Variants in FKBP1B observed in about 807,000 individuals in gnomAD.
FKBP1B encodes the protein FKBP prolyl isomerase 1B, also known as peptidyl-prolyl cis-trans isomerase FKBP1B.
Under a neutral mutation model 13.5 loss-of-function variants are expected in FKBP1B, and 4 were observed. The ratio of observed to expected loss-of-function variants is 0.30; its 90% CI spans 0.15 to 0.68. The LOEUF (loss-of-function observed/expected upper bound fraction) is 0.68, where lower values mean the gene tolerates loss of function less well. FKBP1B is among the 30% of genes least tolerant of loss of function. The probability of loss-of-function intolerance (pLI) is 0.76; values close to 1 mark genes in which losing one functional copy is unlikely to be tolerated. For synonymous variants in FKBP1B, 54 were observed against 53.6 expected (o/e 1.01, Z -0.03); for missense variants, 93 against 136.2 (o/e 0.68, Z 1.58).
At chr2:24,053,545 A>G (rs1663976094) in intron 1 of FKBP1B, among the ~76,000 whole-genome samples, 1 of 151,018 alleles carries the variant, frequency 6.6e-6, no homozygotes, top group Admixed American at 6.6e-5. Context: ...GAGTTCATAC[A>G]TTGCTCTGCA....
intron 3 of FKBP1B, among the ~76,000 whole-genome samples, chr2:24,061,551 G>A (rs530922068): frequency 2.6e-5 from 4 of 152,158 alleles, no homozygotes; most frequent in Admixed American, 1.3e-4. Flanking sequence ...AAAATTTTTC[G>A]TTTTTTCGCT....
the FKBP1B span, among the ~76,000 whole-genome samples, chr2:24,040,143 A>T: frequency 6.6e-6 from 1 of 152,136 alleles, no homozygotes; most frequent in Non-Finnish European, 1.5e-5. Context: ...TATTGTGGTT[A>T]TGCAGGACAA....
upstream of FKBP1B, among the ~76,000 whole-genome samples, chr2:24,048,557 A>G (rs980935534): frequency 2.0e-5 from 3 of 151,688 alleles, no homozygotes; most frequent in Admixed American, 6.6e-5. Context: ...GGCTCAAGCA[A>G]TCCTCCTGCC....
chr2:24,044,725 T>C (rs1238157973), upstream of FKBP1B, among the ~76,000 whole-genome samples: 1 of 151,876 alleles, frequency 6.6e-6, no homozygotes, highest in Non-Finnish European at 1.5e-5. Context: ...TCTCCCTTTT[T>C]ATTAGGGTAA....
At chr2:24,052,478 C>T (rs1285224648) in intron 1 of FKBP1B, among the ~76,000 whole-genome samples, 1 of 152,166 alleles carries the variant, frequency 6.6e-6, no homozygotes, top group Non-Finnish European at 1.5e-5. Context: ...AGTGCTATTT[C>T]CCAGTATTTT....
upstream of FKBP1B, among the ~76,000 whole-genome samples, chr2:24,044,936 C>A (rs1663566089): frequency 1.3e-5 from 2 of 151,420 alleles, no homozygotes; most frequent in African/African-American, 4.9e-5. Flanking sequence ...CTTAACAAGG[C>A]AATTAAAACC....
At chr2:24,055,408 C>T (rs1331635963) in intron 2 of FKBP1B, among the ~76,000 whole-genome samples, 1 of 151,988 alleles carries the variant, frequency 6.6e-6, no homozygotes, top group Non-Finnish European at 1.5e-5. Flanking sequence ...GAGGGTCTCA[C>T]TATGTTGCCC....
chr2:24,035,688 G>A, the FKBP1B span, among the ~76,000 whole-genome samples: 1 of 152,022 alleles, frequency 6.6e-6, no homozygotes, highest in Admixed American at 6.6e-5. Context: ...GCTGAAGCAG[G>A]AGGACTGCTT....
At chr2:24,043,874 T>C in the FKBP1B span, among the ~76,000 whole-genome samples, 23,805 of 151,222 alleles carry the variant, frequency 0.16, 2,082 homozygotes, top group South Asian at 0.2. Context: ...TCCTTGCTCT[T>C]AGGATCTTTC....
In FKBP1B at chr2:24,049,940, G is replaced by A. The variant is rs1054330237; in HGVS notation, c.37+54G>A. On this transcript the variant is annotated intron_variant, in intron 1 of 3. Transcript: ENST00000380986. ...GGGGAGGGGTCCCGGGGCGGAGCCC[G>A]GAGGGCGGGGGTCTGATTCGGAGGT... 31 of 1,327,522 alleles carry A rather than the reference G, an allele frequency of 2.3e-5. 1 individual carries two copies. The East Asian group carries it at 9.2e-4, about 39-fold the overall frequency. The allele number at this position is 1,327,522 out of a possible 1,614,324, so 82.2% of individuals were successfully genotyped here. A position where few individuals can be genotyped will look rare whatever the true frequency, so the allele number is the denominator to read the frequency against.
At chr2:24,039,466 C>G in the FKBP1B span, 1 of 1,612,898 alleles carries the variant, frequency 6.2e-7, no homozygotes, top group South Asian at 1.1e-5. Context: ...CAGTCCAGTC[C>G]TGAGTAGTTT....
intron 2 of FKBP1B, among the ~76,000 whole-genome samples, chr2:24,055,986 G>C (rs1664105807): frequency 6.6e-6 from 1 of 151,988 alleles, no homozygotes; most frequent in Non-Finnish European, 1.5e-5. Flanking sequence ...GTCAGGTTTT[G>C]GTTTTGTTTT....
chr2:24,035,881 C>T, the FKBP1B span, among the ~76,000 whole-genome samples: 61 of 151,562 alleles, frequency 4.0e-4, 1 homozygote, highest in Admixed American at 8.5e-4. Flanking sequence ...TCATCCTGGC[C>T]AACACGGTGA....
intron 1 of FKBP1B, among the ~76,000 whole-genome samples, chr2:24,052,929 T>G (rs941961655): frequency 2.0e-5 from 3 of 152,000 alleles, no homozygotes; most frequent in African/African-American, 7.3e-5. Context: ...GCCGAGATCA[T>G]GCTGTTGCAC....
upstream of FKBP1B, among the ~76,000 whole-genome samples, chr2:24,046,414 GT>G (rs931199340): frequency 2.0e-5 from 3 of 152,170 alleles, no homozygotes; most frequent in Admixed American, 2.0e-4. Context: ...CAGAGTATAA[GT>G]TTTTTGGAGA....
the FKBP1B span, chr2:24,033,244 G>C: frequency 2.0e-6 from 1 of 502,850 alleles, no homozygotes; most frequent in Non-Finnish European, 4.0e-6. Context: ...CAGCCTGAGA[G>C]ACACAATCTG....
intron 1 of FKBP1B, among the ~76,000 whole-genome samples, chr2:24,052,041 A>G (rs924290601): frequency 6.6e-6 from 1 of 152,240 alleles, no homozygotes; most frequent in Non-Finnish European, 1.5e-5. Flanking sequence ...TTGCCCAAAC[A>G]GAAAACCCAA....
intron 2 of FKBP1B, among the ~76,000 whole-genome samples, chr2:24,056,138 C>T (rs1312645263): frequency 2.6e-5 from 4 of 151,206 alleles, no homozygotes; most frequent in African/African-American, 4.9e-5. Flanking sequence ...TACAGGCGCC[C>T]GCCACCATGC....
At chr2:24,043,702 C>T in the FKBP1B span, among the ~76,000 whole-genome samples, 2 of 152,204 alleles carry the variant, frequency 1.3e-5, no homozygotes, top group African/African-American at 4.8e-5. Flanking sequence ...TTCCCTGTCA[C>T]TGAATCTAAA....
Sources: gnomAD v4.1 joint callset for allele counts (sites outside exome capture counted in the v4.1 genomes callset) on GRCh38, gnomAD v4.1.1 for gene constraint, MANE v1.5 for transcripts, NCBI Gene and HGNC (gene_info 2026-07-23, HGNC 2026-07-21) for gene names.